The following UGT1A6 variants were observed in gnomAD, a reference collection of about 807,000 sequenced individuals.
UGT1A6 encodes the protein UDP-glucuronosyltransferase 1A6.
Under a neutral mutation model 44.4 loss-of-function variants are expected in UGT1A6, and 32 were observed. That is an observed-to-expected ratio of 0.72 (90% CI 0.54 to 0.97). The LOEUF (loss-of-function observed/expected upper bound fraction) is 0.97. Among genes scored for constraint, UGT1A6 ranks in the 50% least tolerant of loss-of-function variants. The pLI is 0.00. For synonymous variants in UGT1A6, 238 were observed against 248.5 expected (o/e 0.96, Z 0.40); for missense variants, 685 against 661.9 (o/e 1.03, Z -0.38).
intron 1 of UGT1A6, chr2:233,713,808 A>T: frequency 6.2e-7 from 1 of 1,614,048 alleles, no homozygotes; most frequent in African/African-American, 1.3e-5. Flanking sequence ...CATGCCCAAC[A>T]TGGTCTTCAT....
chr2:233,728,564 A>T (rs2077727018), intron 1 of UGT1A6, among the ~76,000 whole-genome samples: 1 of 152,200 alleles, frequency 6.6e-6, no homozygotes, highest in Non-Finnish European at 1.5e-5. Flanking sequence ...TACAAGAAAT[A>T]TCCTGGTGCG....
chr2:233,729,160 C>G, intron 1 of UGT1A6: 5 of 1,613,564 alleles, frequency 3.1e-6, no homozygotes, highest in Non-Finnish European at 4.2e-6. Context: ...CCTGCCGTGG[C>G]TGGCCACAGG....
At chr2:233,720,570 T>C (rs1325667267) in intron 1 of UGT1A6, among the ~76,000 whole-genome samples, 1 of 152,076 alleles carries the variant, frequency 6.6e-6, no homozygotes, top group Non-Finnish European at 1.5e-5. Flanking sequence ...GGATCTATTC[T>C]TTTTCCAAAA....
chr2:233,770,961 C>T (rs898469927), intron 4 of UGT1A6: 13 of 152,156 alleles, frequency 8.5e-5, no homozygotes, highest in African/African-American at 3.1e-4. Flanking sequence ...GGAGCTTTTA[C>T]TCATGGCAGA....
intron 1 of UGT1A6, among the ~76,000 whole-genome samples, chr2:233,766,746 G>A (rs1202459280): frequency 2.0e-5 from 3 of 152,150 alleles, no homozygotes; most frequent in Non-Finnish European, 4.4e-5. Context: ...GTACAGGTGT[G>A]TGCATGTGTG....
chr2:233,733,184 C>T (rs531728542), intron 1 of UGT1A6, among the ~76,000 whole-genome samples: 42 of 152,276 alleles, frequency 2.8e-4, no homozygotes, highest in South Asian at 8.3e-4. Context: ...GCTGAAGTTG[C>T]TTATCAGCTT....
chr2:233,757,439 A>G (rs942606489), intron 1 of UGT1A6, among the ~76,000 whole-genome samples: 6 of 151,228 alleles, frequency 4.0e-5, no homozygotes, highest in African/African-American at 1.5e-4. Flanking sequence ...AGTCACTTCT[A>G]TACAGAAACA....
intron 1 of UGT1A6, among the ~76,000 whole-genome samples, chr2:233,704,813 G>T (rs944925351): frequency 6.6e-6 from 1 of 152,102 alleles, no homozygotes; most frequent in South Asian, 2.1e-4. Flanking sequence ...TATGTATATT[G>T]CTTTTTAGGA....
chr2:233,692,881 G>C, upstream of UGT1A6: 1 of 1,505,500 alleles, frequency 6.6e-7, no homozygotes, highest in South Asian at 1.4e-5. Flanking sequence ...GTAAAATTCA[G>C]AGCAAGGGAG....
chr2:233,715,410 T>C (rs75182177), intron 1 of UGT1A6, among the ~76,000 whole-genome samples: 57 of 152,316 alleles, frequency 3.7e-4, no homozygotes, highest in African/African-American at 1.2e-3. Context: ...ATCCTTAAAA[T>C]ACATTTTATC....
chr2:233,751,938 T>C (rs1430674262), intron 1 of UGT1A6, among the ~76,000 whole-genome samples: 3 of 152,190 alleles, frequency 2.0e-5, no homozygotes, highest in South Asian at 2.1e-4. Flanking sequence ...ATTGAAGTTA[T>C]ACTGAAAGGG....
At chr2:233,760,974 G>C in intron 1 of UGT1A6, 1 of 1,614,120 alleles carries the variant, frequency 6.2e-7, no homozygotes, top group Non-Finnish European at 8.5e-7. Flanking sequence ...TTTATTCCCC[G>C]TATGCAACCC....
chr2:233,725,937 A>G (rs911094598), intron 1 of UGT1A6, among the ~76,000 whole-genome samples: 3 of 152,148 alleles, frequency 2.0e-5, no homozygotes. Flanking sequence ...AGACTGATGC[A>G]GGAGGATTGT....
chr2:233,713,461 G>C, intron 1 of UGT1A6: 1 of 1,614,080 alleles, frequency 6.2e-7, no homozygotes, highest in Non-Finnish European at 8.5e-7. Context: ...TTTCACCTCT[G>C]CGCGGCGGTG....
At chr2:233,697,174 G>A (rs181494492) in intron 1 of UGT1A6, among the ~76,000 whole-genome samples, 191 of 152,138 alleles carry the variant, frequency 1.3e-3, no homozygotes, top group African/African-American at 4.5e-3. Flanking sequence ...TTTAAAAATG[G>A]TTGGTAGAAT....
Position 233,772,387 on chromosome 2 carries a change from C to A in UGT1A6, c.1427C>A (p.Ala476Glu). 1.2e-6 allele frequency: 2 copies of A among 1,614,274 alleles called. No individual in the cohort carries two copies. Among genetic ancestry groups the A allele is most frequent in the Non-Finnish European group, 1.7e-6 (2 of 1,180,048 alleles). ...AAGGGCGCGCCACACCTGCGCCCCG[C>A]AGCCCACGACCTCACCTGGTACCAG... ...RHKGAPHLRP[A>E]AHDLTWYQYH... is the part of the protein sequence containing the mutation. Residue 476 changes from alanine to glutamate, a missense_variant, in exon 5 of 5, where the codon GCA (alanine) becomes GAA (glutamate). Transcript: ENST00000305139.
intron 1 of UGT1A6, chr2:233,743,410 C>A: frequency 2.3e-6 from 3 of 1,318,156 alleles, no homozygotes; most frequent in African/African-American, 1.5e-5. Flanking sequence ...AAGGCCCCCA[C>A]TTCCCAGGGA....
At chr2:233,748,838 CTG>C (rs774126450) in intron 1 of UGT1A6, among the ~76,000 whole-genome samples, 8 of 151,472 alleles carry the variant, frequency 5.3e-5, no homozygotes, top group African/African-American at 2.0e-4. Flanking sequence ...GGAGATAAAA[CTG>C]TGAGCGTATA....
At chr2:233,716,672 C>G (rs2076519227) in intron 1 of UGT1A6, among the ~76,000 whole-genome samples, 1 of 151,920 alleles carries the variant, frequency 6.6e-6, no homozygotes, top group Admixed American at 6.6e-5. Context: ...CTTTGTTTAC[C>G]CCAAGATATA....
Sources: gnomAD v4.1 joint callset for allele counts (sites outside exome capture counted in the v4.1 genomes callset) on GRCh38, gnomAD v4.1.1 for gene constraint, MANE v1.5 for transcripts, NCBI Gene and HGNC (gene_info 2026-07-23, HGNC 2026-07-21) for gene names.